Variants in CTIF observed in about 807,000 individuals in gnomAD.
CTIF encodes the protein cap binding complex dependent translation initiation factor.
CTIF carries 21 observed loss-of-function variants against 66.0 expected under a neutral mutation model. The observed-to-expected ratio is 0.32, with a 90% CI of 0.23 to 0.46. The LOEUF (loss-of-function observed/expected upper bound fraction) is 0.46. CTIF is among the 20% of genes least tolerant of loss of function. The probability of loss-of-function intolerance (pLI) is 1.00; values close to 1 mark genes in which losing one functional copy is unlikely to be tolerated. For missense variants in CTIF, 739 were observed against 812.7 expected (o/e 0.91, Z 1.10); for synonymous variants, 345 against 326.4 (o/e 1.06, Z -0.62).
chr18:48,841,664 C>T (rs1304322887), intron 10 of CTIF, among the ~76,000 whole-genome samples: 1 of 144,516 alleles, frequency 6.9e-6, no homozygotes, highest in East Asian at 2.0e-4. Flanking sequence ...GCTCGGGGGC[C>T]AGGCTGGTGG....
At chr18:48,551,867 G>A (rs1363527235) in intron 1 of CTIF, among the ~76,000 whole-genome samples, 3 of 151,738 alleles carry the variant, frequency 2.0e-5, no homozygotes, top group East Asian at 1.9e-4. Flanking sequence ...GCGCGATGTC[G>A]GCTCACTGCA....
chr18:48,562,445 T>C (rs2089184939), intron 1 of CTIF, among the ~76,000 whole-genome samples: 1 of 152,246 alleles, frequency 6.6e-6, no homozygotes, highest in Admixed American at 6.5e-5. Context: ...ATATAAAAAC[T>C]GGGTGGAGCA....
chr18:48,790,865 G>A (rs937580413), intron 9 of CTIF, among the ~76,000 whole-genome samples: 3 of 152,190 alleles, frequency 2.0e-5, no homozygotes, highest in African/African-American at 2.4e-5. Flanking sequence ...TCTGTCAGCT[G>A]GCTCACCTGC....
At chr18:48,590,676 G>A (rs369293075) in intron 1 of CTIF, among the ~76,000 whole-genome samples, 5 of 152,162 alleles carry the variant, frequency 3.3e-5, no homozygotes, top group African/African-American at 7.2e-5. Context: ...CACCACCTTC[G>A]CCAGAGACCA....
At chr18:48,541,059 C>G (rs983666185) in intron 1 of CTIF, among the ~76,000 whole-genome samples, 3 of 152,192 alleles carry the variant, frequency 2.0e-5, no homozygotes, top group African/African-American at 7.2e-5. Flanking sequence ...GCTGCGCCGC[C>G]CCCAGTCCAC....
At chr18:48,779,701 G>A (rs1469469718) in intron 9 of CTIF, among the ~76,000 whole-genome samples, 1 of 152,228 alleles carries the variant, frequency 6.6e-6, no homozygotes, top group Non-Finnish European at 1.5e-5. Flanking sequence ...CTTGCCGGGG[G>A]TGGGGGAGAG....
Position 48,859,307 on chromosome 18 carries a change from A to T in CTIF, c.1582-37A>T, listed in dbSNP as rs573119775. ...AGGGTGGCCAGTGGGCCACTGTGGGACCCGAGGCCATCCTAACCCCACATC... is the reference window on the plus strand; with the variant it reads ...AGGGTGGCCAGTGGGCCACTGTGGGTCCCGAGGCCATCCTAACCCCACATC... On this transcript the variant is annotated intron_variant, in intron 11 of 11. Coordinates refer to ENST00000256413, the MANE Select transcript of CTIF (RefSeq NM_014772.3). 5 of 1,586,666 alleles carry T rather than the reference A, an allele frequency of 3.2e-6. No individual in the cohort carries two copies. In the East Asian group the frequency reaches 8.9e-5, roughly 28 times the overall value.
chr18:48,788,153 G>T (rs761686761), intron 9 of CTIF, among the ~76,000 whole-genome samples: 4 of 152,202 alleles, frequency 2.6e-5, no homozygotes, highest in East Asian at 1.9e-4. Flanking sequence ...CTTTAGGCTG[G>T]GGGGAGAAGA....
At chr18:48,705,042 C>G (rs2092134370) in intron 6 of CTIF, among the ~76,000 whole-genome samples, 2 of 152,160 alleles carry the variant, frequency 1.3e-5, no homozygotes, top group South Asian at 4.2e-4. Context: ...CCTTTTCCAG[C>G]CTCTGAAGGA....
rs61252317 is a variant in CTIF at position 48,692,342 on chromosome 18, A to C, written c.508-19277A>C. Among the ~76,000 whole-genome samples, 25 of 129,268 alleles carry C rather than the reference A, an allele frequency of 1.9e-4. No individual in the cohort carries two copies. The East Asian group carries it at 4.4e-3, about 23-fold the overall frequency. 84.8% of individuals were successfully genotyped at this position (129,268 alleles called of 152,430 possible). ...ACAAAACAAAAAACAAAAAACAAAA[A>C]AAAAAAACCACCCTTACTCCTATTT... On this transcript the variant is annotated intron_variant, in intron 6 of 11. Transcript: ENST00000256413.
chr18:48,575,697 A>G (rs1317634459), intron 1 of CTIF, among the ~76,000 whole-genome samples: 1 of 150,810 alleles, frequency 6.6e-6, no homozygotes, highest in African/African-American at 2.5e-5. Flanking sequence ...TCAGGCTCAG[A>G]CCGGGGCCGT....
intron 1 of CTIF, among the ~76,000 whole-genome samples, chr18:48,542,291 A>G (rs1392771788): frequency 6.6e-6 from 1 of 152,228 alleles, no homozygotes; most frequent in Non-Finnish European, 1.5e-5. Context: ...ATGCCTGTTC[A>G]TGTAACACTT....
intron 3 of CTIF, among the ~76,000 whole-genome samples, chr18:48,659,731 A>G (rs1427729795): frequency 6.6e-6 from 1 of 152,120 alleles, no homozygotes; most frequent in African/African-American, 2.4e-5. Flanking sequence ...TGGGGCAGAG[A>G]CCTGTGGGGC....
chr18:48,606,481 A>G (rs1027974293), intron 1 of CTIF, among the ~76,000 whole-genome samples: 9 of 152,210 alleles, frequency 5.9e-5, no homozygotes, highest in African/African-American at 1.9e-4. Flanking sequence ...ACTGGCAGGA[A>G]GGACAATGCT....
intron 11 of CTIF, among the ~76,000 whole-genome samples, chr18:48,858,885 A>G (rs1273844501): frequency 6.6e-6 from 1 of 152,236 alleles, no homozygotes; most frequent in African/African-American, 2.4e-5. Context: ...CCTGCTCTCA[A>G]GTTCCAATGG....
intron 7 of CTIF, among the ~76,000 whole-genome samples, chr18:48,727,787 T>A (rs1161422045): frequency 6.6e-6 from 1 of 152,242 alleles, no homozygotes; most frequent in Non-Finnish European, 1.5e-5. Flanking sequence ...CTGAACTTTC[T>A]AAGATCTTGA....
intron 1 of CTIF, among the ~76,000 whole-genome samples, chr18:48,580,795 C>T (rs1235114329): frequency 1.3e-5 from 2 of 152,222 alleles, no homozygotes; most frequent in Non-Finnish European, 2.9e-5. Context: ...CGCCCTGCAG[C>T]TTGGTTTCCA....
chr18:48,714,365 C>T (rs76477629), intron 7 of CTIF, among the ~76,000 whole-genome samples: 2,921 of 152,270 alleles, frequency 0.019, 50 homozygotes, highest in Non-Finnish European at 0.031. Flanking sequence ...AGCATCTGTG[C>T]CATGCCTCTG....
intron 1 of CTIF, among the ~76,000 whole-genome samples, chr18:48,589,970 G>A (rs537728020): frequency 1.3e-5 from 2 of 152,342 alleles, no homozygotes; most frequent in East Asian, 3.9e-4. Context: ...GGTTGAGCTG[G>A]TAGGCCTGCC....
Sources: gnomAD v4.1 joint callset for allele counts (sites outside exome capture counted in the v4.1 genomes callset) on GRCh38, gnomAD v4.1.1 for gene constraint, MANE v1.5 for transcripts, NCBI Gene and HGNC (gene_info 2026-07-23, HGNC 2026-07-21) for gene names.